The following RBMS3 variants were observed in gnomAD, a reference collection of about 807,000 sequenced individuals.
RBMS3 encodes RNA binding motif single stranded interacting protein 3.
Under a neutral mutation model 66.8 loss-of-function variants are expected in RBMS3, and 27 were observed. The ratio of observed to expected loss-of-function variants is 0.40; its 90% confidence interval spans 0.30 to 0.56. RBMS3 has a LOEUF of 0.56. Among genes scored for constraint, RBMS3 ranks in the 20% least tolerant of loss-of-function variants. The probability of loss-of-function intolerance (pLI) is 0.40; values close to 1 mark genes in which losing one functional copy is unlikely to be tolerated. For missense variants in RBMS3, 513 were observed against 549.5 expected (o/e 0.93, Z 0.66); for synonymous variants, 188 against 183.0 (o/e 1.03, Z -0.22).
chr3:29,640,286 C>CACA (rs879853761), intron 4 of RBMS3, among the ~76,000 whole-genome samples: 1,351 of 123,040 alleles, frequency 0.011, 23 homozygotes, highest in African/African-American at 0.032. Context: ...ACACACACAC[C>CACA]CACACACACA....
At chr3:29,987,641 G>C (rs1480654400) in intron 12 of RBMS3, among the ~76,000 whole-genome samples, 2 of 151,996 alleles carry the variant, frequency 1.3e-5, no homozygotes, top group African/African-American at 4.8e-5. Flanking sequence ...AATGACATTT[G>C]CCAATAATGC....
intron 6 of RBMS3, among the ~76,000 whole-genome samples, chr3:29,806,920 T>C (rs1192359019): frequency 6.6e-6 from 1 of 151,948 alleles, no homozygotes; most frequent in Non-Finnish European, 1.5e-5. Context: ...TTTTGCCATA[T>C]AGTGGCAATG....
intron 4 of RBMS3, among the ~76,000 whole-genome samples, chr3:29,739,113 G>T (rs1456708749): frequency 1.3e-5 from 2 of 152,102 alleles, no homozygotes; most frequent in African/African-American, 2.4e-5. Flanking sequence ...GTGGTTAATG[G>T]TAATAAAAAA....
chr3:29,281,909 G>A (rs2031828120), intron 1 of RBMS3, among the ~76,000 whole-genome samples, 153 bp downstream of exon 1: 1 of 152,142 alleles, frequency 6.6e-6, no homozygotes, highest in Admixed American at 6.6e-5. Context: ...AGTTAATGAG[G>A]CAGAGGAAGA....
At chr3:29,957,095 T>C (rs1363961214) in intron 12 of RBMS3, among the ~76,000 whole-genome samples, 1 of 152,132 alleles carries the variant, frequency 6.6e-6, no homozygotes, top group Non-Finnish European at 1.5e-5. Context: ...AATGTTTTCT[T>C]CTTCTTGGAA....
At chr3:29,534,780 GC>G (rs768847177) in intron 3 of RBMS3, among the ~76,000 whole-genome samples, 7 of 152,224 alleles carry the variant, frequency 4.6e-5, no homozygotes, top group Admixed American at 4.6e-4. Context: ...CAGTTCTATA[GC>G]TTTCAGCAGC....
At chr3:29,351,255 G>A (rs995048461) in intron 1 of RBMS3, among the ~76,000 whole-genome samples, 3 of 152,166 alleles carry the variant, frequency 2.0e-5, no homozygotes, top group Admixed American at 1.3e-4. Flanking sequence ...CTCTAGGATC[G>A]TCTTCTTAGG....
chr3:29,654,764 GT>G (rs11294119), intron 4 of RBMS3, among the ~76,000 whole-genome samples: 30,751 of 138,712 alleles, frequency 0.22, 3,331 homozygotes, highest in East Asian at 0.36. Flanking sequence ...TAATTTTTGC[GT>G]TTTTTTTTTT....
chr3:29,920,908 A>G (rs2060758879), intron 10 of RBMS3, among the ~76,000 whole-genome samples: 1 of 151,704 alleles, frequency 6.6e-6, no homozygotes, highest in African/African-American at 2.4e-5. Context: ...AAGCTTTAAT[A>G]TTTTTAATTA....
At chr3:29,681,600 C>T (rs953371709) in intron 4 of RBMS3, among the ~76,000 whole-genome samples, 3 of 151,488 alleles carry the variant, frequency 2.0e-5, no homozygotes, top group Non-Finnish European at 4.4e-5. Flanking sequence ...TGAGAACACA[C>T]AGTGTTTGGT....
intron 3 of RBMS3, among the ~76,000 whole-genome samples, chr3:29,511,020 C>T (rs776365998): frequency 2.6e-5 from 4 of 152,140 alleles, no homozygotes; most frequent in Admixed American, 6.5e-5. Context: ...TAATTTTGGC[C>T]GGGCGTGGTG....
chr3:29,956,294 T>A (rs1696037879), intron 12 of RBMS3, among the ~76,000 whole-genome samples: 1 of 152,112 alleles, frequency 6.6e-6, no homozygotes, highest in Non-Finnish European at 1.5e-5. Context: ...GTGGATCAAA[T>A]CTTGTGAGTT....
At chr3:29,693,653 A>G (rs2052137250) in intron 4 of RBMS3, among the ~76,000 whole-genome samples, 1 of 152,164 alleles carries the variant, frequency 6.6e-6, no homozygotes. Context: ...AAAGCTTAAC[A>G]TACTTTATTC....
At chr3:29,566,021 A>G (rs2046729487) in intron 3 of RBMS3, among the ~76,000 whole-genome samples, 1 of 152,192 alleles carries the variant, frequency 6.6e-6, no homozygotes, top group Non-Finnish European at 1.5e-5. Context: ...CTGAAGTTAT[A>G]TATGTGACCA....
intron 1 of RBMS3, among the ~76,000 whole-genome samples, chr3:29,352,706 TG>T (rs2036985521): frequency 6.6e-6 from 1 of 152,028 alleles, no homozygotes; most frequent in South Asian, 2.1e-4. Flanking sequence ...ACTGTATGTT[TG>T]TACCCATCAA....
chr3:29,544,615 A>G (rs1018322840), intron 3 of RBMS3, among the ~76,000 whole-genome samples: 3 of 152,134 alleles, frequency 2.0e-5, no homozygotes, highest in African/African-American at 7.2e-5. Flanking sequence ...ATGACTTTAT[A>G]TAAGATTTCC....
chr3:29,454,979 A>G (rs113514404), intron 2 of RBMS3, among the ~76,000 whole-genome samples: 5 of 152,242 alleles, frequency 3.3e-5, no homozygotes, highest in African/African-American at 1.2e-4. Context: ...GCACATTGGT[A>G]TTTGGCATTT....
chr3:29,506,587 C>T (rs1019738433), intron 3 of RBMS3, among the ~76,000 whole-genome samples: 2 of 151,944 alleles, frequency 1.3e-5, no homozygotes, highest in South Asian at 4.1e-4. Context: ...AAAATGCTGG[C>T]CCTATAAAAT....
intron 14 of RBMS3, among the ~76,000 whole-genome samples, chr3:29,999,928 A>G (rs1045612225): frequency 6.6e-6 from 1 of 151,934 alleles, no homozygotes; most frequent in Admixed American, 6.6e-5. Flanking sequence ...ATAATAATTT[A>G]AAAAAAGACC....
Sources: allele counts gnomAD v4.1 joint callset (sites outside exome capture counted in the v4.1 genomes callset), GRCh38; gene constraint gnomAD v4.1.1; transcripts MANE v1.5; gene names NCBI Gene and HGNC (gene_info 2026-07-23, HGNC 2026-07-21).